Variants in NR2F1-AS1 observed in about 807,000 individuals in gnomAD.
NR2F1-AS1 encodes the protein NR2F1 regulatory antisense RNA 1.
At chr5:93,585,113 C>T, upstream of NR2F1-AS1, 1 of 996,876 alleles carries the variant, frequency 1.0e-6, no homozygotes, top group Non-Finnish European at 1.2e-6. Context: ...CGCAGGCGGC[C>T]CGCGGCGGCG....
chr5:93,552,555 C>G (rs974402192), intron 4 of NR2F1-AS1, among the ~76,000 whole-genome samples: 1 of 151,922 alleles, frequency 6.6e-6, no homozygotes, highest in Admixed American at 6.6e-5. Context: ...GGATAAGGAT[C>G]CTCTTCCTCA....
chr5:93,574,122 G>A (rs1752840188), intron 1 of NR2F1-AS1, among the ~76,000 whole-genome samples: 1 of 152,226 alleles, frequency 6.6e-6, no homozygotes, highest in African/African-American at 2.4e-5. Flanking sequence ...TTTATTCAAT[G>A]TTGTGTTTGC....
chr5:93,460,645 T>C (rs1271901005), intron 4 of NR2F1-AS1, among the ~76,000 whole-genome samples: 4 of 152,052 alleles, frequency 2.6e-5, no homozygotes, highest in Non-Finnish European at 5.9e-5. Flanking sequence ...AGGCCTCTAA[T>C]TGACATTAAA....
At chr5:93,413,612 T>C (rs1748908217) in intron 4 of NR2F1-AS1, among the ~76,000 whole-genome samples, 1 of 152,146 alleles carries the variant, frequency 6.6e-6, no homozygotes, top group Non-Finnish European at 1.5e-5. Context: ...GCTAAGAACG[T>C]ATGTGCATGT....
chr5:93,471,771 G>A (rs1334894927), intron 4 of NR2F1-AS1, among the ~76,000 whole-genome samples: 1 of 151,854 alleles, frequency 6.6e-6, no homozygotes, highest in Non-Finnish European at 1.5e-5. Flanking sequence ...ACTGTAATCA[G>A]CTGGCTCCTT....
At chr5:93,442,672 T>C (rs1749598993) in intron 4 of NR2F1-AS1, among the ~76,000 whole-genome samples, 1 of 152,194 alleles carries the variant, frequency 6.6e-6, no homozygotes, top group African/African-American at 2.4e-5. Flanking sequence ...CGTCCCTGTC[T>C]GACAGATTTG....
At chr5:93,580,803 G>A (rs1221785969), upstream of NR2F1-AS1, 4 of 152,236 alleles carry the variant, frequency 2.6e-5, no homozygotes, top group Non-Finnish European at 4.4e-5. Context: ...CCAGAAGACG[G>A]GAGCGCGTTT....
chr5:93,517,411 T>C (rs1333720162), intron 4 of NR2F1-AS1, among the ~76,000 whole-genome samples: 1 of 152,020 alleles, frequency 6.6e-6, no homozygotes, highest in Non-Finnish European at 1.5e-5. Flanking sequence ...CTGTTAGTTC[T>C]TTACAATCCT....
At chr5:93,486,502 G>C (rs1179155389) in intron 4 of NR2F1-AS1, among the ~76,000 whole-genome samples, 1 of 152,014 alleles carries the variant, frequency 6.6e-6, no homozygotes, top group Non-Finnish European at 1.5e-5. Context: ...AGAAGAAATG[G>C]ATAAATTCCT....
At chr5:93,504,553 G>A (rs950038582) in intron 4 of NR2F1-AS1, among the ~76,000 whole-genome samples, 4 of 152,024 alleles carry the variant, frequency 2.6e-5, no homozygotes, top group Non-Finnish European at 4.4e-5. Context: ...AGGCATACTC[G>A]AGACTGAGAA....
chr5:93,480,726 G>C (rs1191899821), intron 4 of NR2F1-AS1, among the ~76,000 whole-genome samples: 6 of 152,090 alleles, frequency 3.9e-5, no homozygotes, highest in Admixed American at 3.9e-4. Flanking sequence ...GATACAATTT[G>C]TGACAGTAAC....
rs1463799118 is a variant in NR2F1-AS1, at chr5:93,558,359, C to A, written n.414-3364G>T. Among the ~76,000 whole-genome samples the A allele has an allele frequency of 2.0e-5, 3 of 148,704 alleles. No homozygotes were observed. In the East Asian group the frequency reaches 5.9e-4, roughly 29 times the overall value. On this transcript the variant is annotated intron_variant and non_coding_transcript_variant, in intron 2 of 5. Transcript: ENST00000660523. ...TTTCTGAGATGGAATCTTGCTCTAT[C>A]GCCCAGGCTGGAGTGCAGTGGTGCA...
chr5:93,552,966 G>A (rs1752267310), intron 4 of NR2F1-AS1, among the ~76,000 whole-genome samples: 1 of 152,000 alleles, frequency 6.6e-6, no homozygotes, highest in Non-Finnish European at 1.5e-5. Flanking sequence ...ATATACTACT[G>A]ACTCTTGTAG....
chr5:93,416,137 CAAG>C (rs1006792990), intron 4 of NR2F1-AS1, among the ~76,000 whole-genome samples: 10 of 152,284 alleles, frequency 6.6e-5, no homozygotes, highest in Middle Eastern at 3.4e-3. Flanking sequence ...ACAGGGGAAA[CAAG>C]AAGATGAAAA....
At chr5:93,447,349 A>G (rs1749735196) in intron 4 of NR2F1-AS1, among the ~76,000 whole-genome samples, 1 of 152,298 alleles carries the variant, frequency 6.6e-6, no homozygotes, top group South Asian at 2.1e-4. Flanking sequence ...ACTTAAACAA[A>G]TTTACAAGAA....
intron 4 of NR2F1-AS1, among the ~76,000 whole-genome samples, chr5:93,522,164 T>A (rs73133275): frequency 6.6e-6 from 1 of 151,970 alleles, no homozygotes; most frequent in Non-Finnish European, 1.5e-5. Flanking sequence ...TGATAACTTA[T>A]GAACACAAAG....
chr5:93,577,236 T>C lies in NR2F1-AS1; in HGVS notation n.313+3231A>G, dbSNP rs1467392215. On this transcript the variant is annotated intron_variant and non_coding_transcript_variant, in intron 1 of 5. Coordinates refer to ENST00000660523, the Ensembl canonical transcript of NR2F1-AS1. Reference sequence around the variant, plus strand: ...CCTTATCTCTCTTTTTCAAAACACGTGCTTTAAATGACCGGTTTGAGATAG... The same window carrying C: ...CCTTATCTCTCTTTTTCAAAACACGCGCTTTAAATGACCGGTTTGAGATAG... Among the ~76,000 whole-genome samples, 12 of 152,240 alleles carry C rather than the reference T, an allele frequency of 7.9e-5. No individual in the cohort carries two copies. The East Asian group carries it at 1.2e-3, about 15-fold the overall frequency.
At chr5:93,560,637 GTGTT>G (rs1279019506) in intron 2 of NR2F1-AS1, among the ~76,000 whole-genome samples, 4 of 152,194 alleles carry the variant, frequency 2.6e-5, no homozygotes, top group Admixed American at 6.5e-5. Flanking sequence ...AACTAGTGAT[GTGTT>G]TGTTTATCTC....
chr5:93,422,414 A>C (rs1276768026), intron 4 of NR2F1-AS1: 1 of 152,240 alleles, frequency 6.6e-6, no homozygotes, highest in Non-Finnish European at 1.5e-5. Flanking sequence ...TGTTTCCTTG[A>C]AGTGGATCTG....
Sources: gnomAD v4.1 joint callset for allele counts (sites outside exome capture counted in the v4.1 genomes callset) on GRCh38, gnomAD v4.1.1 for gene constraint, MANE v1.5 for transcripts, NCBI Gene and HGNC (gene_info 2026-07-23, HGNC 2026-07-21) for gene names.